The following FSTL4 variants were observed in gnomAD, a reference collection of about 807,000 sequenced individuals.
FSTL4 encodes follistatin like 4.
FSTL4 carries 28 observed loss-of-function variants against 78.2 expected under a neutral mutation model. The ratio of observed to expected loss-of-function variants is 0.36; its 90% CI spans 0.27 to 0.49. FSTL4 has a LOEUF of 0.49. FSTL4 is among the 20% of genes least tolerant of loss of function. The pLI, the probability that FSTL4 is intolerant of heterozygous loss-of-function variation, is 0.98. For synonymous variants in FSTL4, 422 were observed against 440.5 expected, an observed-to-expected ratio of 0.96 and a Z score of 0.53; for missense variants, 922 against 1,084.9, an observed-to-expected ratio of 0.85 and a Z score of 2.11.
At chr5:133,697,331 G>C in the FSTL4 span, among the ~76,000 whole-genome samples, 1 of 152,122 alleles carries the variant, frequency 6.6e-6, no homozygotes, top group East Asian at 1.9e-4. Context: ...CCAATTCAGC[G>C]CCCACTCTCC....
chr5:133,428,318 G>A (rs1335417036), intron 3 of FSTL4, among the ~76,000 whole-genome samples: 5 of 152,174 alleles, frequency 3.3e-5, no homozygotes, highest in Non-Finnish European at 7.3e-5. Context: ...TCTGGGCTGT[G>A]ATCTCTGACT....
At chr5:133,273,230 A>G (rs917913425) in intron 6 of FSTL4, among the ~76,000 whole-genome samples, 1 of 152,272 alleles carries the variant, frequency 6.6e-6, no homozygotes, top group African/African-American at 2.4e-5. Flanking sequence ...ATAGTAATTT[A>G]ATAATATCTA....
At chr5:133,435,217 A>G (rs1221964262) in intron 3 of FSTL4, among the ~76,000 whole-genome samples, 3 of 152,140 alleles carry the variant, frequency 2.0e-5, no homozygotes, top group Non-Finnish European at 4.4e-5. Context: ...TTATGATTTT[A>G]TGTGTTTTAT....
chr5:133,747,711 T>TA, the FSTL4 span, among the ~76,000 whole-genome samples: 1 of 152,216 alleles, frequency 6.6e-6, no homozygotes, highest in Non-Finnish European at 1.5e-5. Flanking sequence ...TATTAGCACC[T>TA]AAAGAGCTGC....
intron 4 of FSTL4, among the ~76,000 whole-genome samples, chr5:133,375,464 G>C (rs536376398): frequency 1.1e-3 from 163 of 151,506 alleles, no homozygotes; most frequent in African/African-American, 3.9e-3. Context: ...ACAATAAAAG[G>C]AAAGCAACAG....
chr5:133,224,109 G>T, intron 11 of FSTL4, 81 bp downstream of exon 11: 1 of 1,096,078 alleles, frequency 9.1e-7, no homozygotes, highest in Non-Finnish European at 1.4e-6. Flanking sequence ...GAAAGCTGGT[G>T]GCAGATCATG....
intron 4 of FSTL4, among the ~76,000 whole-genome samples, chr5:133,381,298 T>C (rs889296479): frequency 6.6e-6 from 1 of 152,192 alleles, no homozygotes; most frequent in African/African-American, 2.4e-5. Context: ...GGCATAGTTA[T>C]ACAAGGGGAT....
At chr5:133,494,779 G>A (rs73788103) in intron 3 of FSTL4, among the ~76,000 whole-genome samples, 1,895 of 152,338 alleles carry the variant, frequency 0.012, 40 homozygotes, top group African/African-American at 0.044. Context: ...TGTGGCCCGG[G>A]TGTGCTGAGG....
intron 4 of FSTL4, among the ~76,000 whole-genome samples, chr5:133,388,211 C>CT: frequency 6.6e-6 from 1 of 152,236 alleles, no homozygotes; most frequent in East Asian, 1.9e-4. Flanking sequence ...GTCAGATTCT[C>CT]TGATTTCTCT....
chr5:133,391,672 G>A (rs1026157954), intron 4 of FSTL4, among the ~76,000 whole-genome samples: 2 of 152,074 alleles, frequency 1.3e-5, no homozygotes, highest in African/African-American at 4.8e-5. Context: ...CCCCTTGTGA[G>A]CCCCCAAACA....
chr5:133,310,479 C>G (rs914665864), intron 6 of FSTL4, among the ~76,000 whole-genome samples: 1 of 152,158 alleles, frequency 6.6e-6, no homozygotes, highest in Non-Finnish European at 1.5e-5. Context: ...TCTCTTTCAT[C>G]ATAGGCAATA....
At chr5:133,561,090 A>AAAT (rs369652665) in intron 3 of FSTL4, among the ~76,000 whole-genome samples, 10,099 of 131,130 alleles carry the variant, frequency 0.077, 421 homozygotes, top group East Asian at 0.13. Flanking sequence ...CTCGGACTCA[A>AAAT]AATAATAATA....
chr5:133,553,807 C>T (rs1759734375), intron 3 of FSTL4, among the ~76,000 whole-genome samples: 1 of 152,146 alleles, frequency 6.6e-6, no homozygotes, highest in Non-Finnish European at 1.5e-5. Flanking sequence ...TAGCCAGGAC[C>T]CCCATCACTA....
At chr5:133,830,306 G>A in the FSTL4 span, among the ~76,000 whole-genome samples, 1 of 152,216 alleles carries the variant, frequency 6.6e-6, no homozygotes, top group East Asian at 1.9e-4. Context: ...ATGTGCCTGT[G>A]TCAGAAGAGC....
intron 3 of FSTL4, among the ~76,000 whole-genome samples, chr5:133,512,749 A>C (rs1443696511): frequency 6.6e-6 from 1 of 152,210 alleles, no homozygotes; most frequent in Non-Finnish European, 1.5e-5. Context: ...ATGATGCTGC[A>C]GTAGCCTTAG....
intron 3 of FSTL4, among the ~76,000 whole-genome samples, chr5:133,486,614 T>C (rs567131651): frequency 6.6e-6 from 1 of 152,288 alleles, no homozygotes; most frequent in East Asian, 1.9e-4. Context: ...TCATCTCTTG[T>C]GCTAAGAAAG....
chr5:133,414,657 C>T (rs1471361340), intron 3 of FSTL4, among the ~76,000 whole-genome samples: 1 of 152,192 alleles, frequency 6.6e-6, no homozygotes, highest in Non-Finnish European at 1.5e-5. Context: ...TATTTATCTG[C>T]TATGTTGCCA....
intron 6 of FSTL4, among the ~76,000 whole-genome samples, chr5:133,289,740 C>T (rs1753214969): frequency 6.6e-6 from 1 of 152,188 alleles, no homozygotes; most frequent in Admixed American, 6.5e-5. Context: ...CAGAGCTGCC[C>T]AAAGACCAGC....
the FSTL4 span, among the ~76,000 whole-genome samples, chr5:133,677,619 C>G: frequency 6.6e-6 from 1 of 152,120 alleles, no homozygotes; most frequent in Non-Finnish European, 1.5e-5. Context: ...CTTTAAGCAG[C>G]CTAGAAAGAA....
Sources: gnomAD v4.1 joint callset for allele counts (sites outside exome capture counted in the v4.1 genomes callset) on GRCh38, gnomAD v4.1.1 for gene constraint, MANE v1.5 for transcripts, NCBI Gene and HGNC (gene_info 2026-07-23, HGNC 2026-07-21) for gene names.